UHRF2: variants seen among roughly 807,000 people sequenced by gnomAD.
UHRF2 encodes E3 ubiquitin-protein ligase UHRF2.
In UHRF2, 23 loss-of-function variants were observed where a neutral mutation model predicts 96.8. The observed-to-expected ratio is 0.24, with a 90% confidence interval of 0.17 to 0.34. The LOEUF (loss-of-function observed/expected upper bound fraction) is 0.34, where lower values mean the gene tolerates loss of function less well. UHRF2 is among the 10% of genes least tolerant of loss of function. The pLI, the probability that UHRF2 is intolerant of heterozygous loss-of-function variation, is 1.00. For synonymous variants in UHRF2, 385 were observed against 332.6 expected (o/e 1.16, Z -1.72); for missense variants, 685 against 981.5 (o/e 0.70, Z 4.04).
chr9:6,487,880 T>C (rs1824404812), intron 9 of UHRF2, among the ~76,000 whole-genome samples: 1 of 152,210 alleles, frequency 6.6e-6, no homozygotes, highest in Admixed American at 6.5e-5. Flanking sequence ...GTTAAATCTA[T>C]AGAGTTTATT....
chr9:6,416,740 C>A (rs1563736714), intron 1 of UHRF2, among the ~76,000 whole-genome samples: 3 of 151,584 alleles, frequency 2.0e-5, no homozygotes, highest in African/African-American at 7.3e-5. Context: ...GGGGTTTCAC[C>A]GTGGTCTCGA....
intron 6 of UHRF2, among the ~76,000 whole-genome samples, chr9:6,478,025 A>G (rs1207731042): frequency 6.6e-6 from 1 of 152,150 alleles, no homozygotes; most frequent in East Asian, 1.9e-4. Context: ...TTCTTCTCTG[A>G]TAATAGACTC....
chr9:6,413,484 C>T lies in UHRF2; in HGVS notation c.-7C>T, dbSNP rs746046053. On this transcript the variant is annotated 5_prime_UTR_variant, in exon 1 of 16. Coordinates refer to ENST00000276893, the MANE Select transcript of UHRF2 (RefSeq NM_152896.3). Reference sequence around the variant, plus strand: ...CAAAGGGGACCGGTTCCTCTCTAGGCGCCAAGATGTGGATACAGGTTCGCA... The same window carrying T: ...CAAAGGGGACCGGTTCCTCTCTAGGTGCCAAGATGTGGATACAGGTTCGCA... 25 of 1,539,662 alleles carry T rather than the reference C, an allele frequency of 1.6e-5. No individual in the cohort carries two copies. The highest frequency in any genetic ancestry group is 2.0e-5 in the Non-Finnish European group (23 of 1,140,608).
intron 4 of UHRF2, among the ~76,000 whole-genome samples, chr9:6,470,054 A>G (rs1313228502): frequency 6.6e-6 from 1 of 152,166 alleles, no homozygotes; most frequent in Non-Finnish European, 1.5e-5. Flanking sequence ...AGACAGTGGA[A>G]TGGCATGTGA....
rs769255051 is a variant in UHRF2, at chr9:6,486,850, T to C, written c.1422T>C (p.His474=). 2 of 1,614,008 alleles carry C rather than the reference T, an allele frequency of 1.2e-6. No homozygotes were observed. The highest frequency in any genetic ancestry group is 1.3e-5 in the African/African-American group (1 of 74,942). Residue 474 remains histidine (H), a synonymous_variant, in exon 9 of 16, where the codon CAT becomes CAC. Coordinates refer to ENST00000276893, the MANE Select transcript of UHRF2 (RefSeq NM_152896.3). ...QVSEAGVHRP[H]VGGIHGRSND... ...GCGAAGCAGGTGTTCACAGACCCCA[T>C]GTTGGTGGAATTCATGGTCGAAGTA...
intron 3 of UHRF2, among the ~76,000 whole-genome samples, chr9:6,445,851 A>G (rs1387591696): frequency 1.3e-5 from 2 of 152,174 alleles, no homozygotes; most frequent in African/African-American, 2.4e-5. Flanking sequence ...GGCATTAGCC[A>G]CTGGTCCTAG....
In UHRF2 at chr9:6,417,523, A is replaced by T. The variant is rs1156929874; in HGVS notation, c.154-3389A>T. ...ATGTGGAAGAACTTCGGTACTTTTC[A>T]AGTAAATCATCTCAACACTTCACAG... On this transcript the variant is annotated intron_variant, in intron 1 of 15. Transcript: ENST00000276893. 2.6e-5 allele frequency among the ~76,000 whole-genome samples: 4 copies of T among 152,224 alleles called. No individual in the cohort carries two copies. In the East Asian group the frequency reaches 7.7e-4, roughly 29 times the overall value.
chr9:6,475,493 G>C lies in UHRF2; in HGVS notation c.966G>C (p.Lys322Asn). 6.3e-7 allele frequency: 1 copy of C among 1,581,896 alleles called. No individual in the cohort carries two copies. Among genetic ancestry groups the C allele is most frequent in the Non-Finnish European group, 8.6e-7 (1 of 1,163,828 alleles). Reference protein sequence around the residue: ...GAHPLSFADGKFLRRNDPECD... With the variant: ...GAHPLSFADGNFLRRNDPECD... ...ATCCCCTTTCATTTGCAGATGGAAA[G>C]TTTTTAAGTATGGATTTTTGTTTTT... The change falls in exon 5 of 16, where the codon AAG (lysine) becomes AAC (asparagine). Residue 322 changes from lysine to asparagine, a missense_variant. By Grantham distance (94) the Lys-to-Asn change is moderately conservative (BLOSUM62 0). Transcript: ENST00000276893.
chr9:6,415,192 AT>A (rs1398567317), intron 1 of UHRF2: 2 of 152,226 alleles, frequency 1.3e-5, no homozygotes. Flanking sequence ...TAATTATCAC[AT>A]ATGGGATTGG....
At chr9:6,428,002 C>T (rs746912528) in intron 2 of UHRF2, among the ~76,000 whole-genome samples, 22 of 152,110 alleles carry the variant, frequency 1.4e-4, no homozygotes, top group Admixed American at 3.3e-4. Flanking sequence ...TTTATGATGC[C>T]AGAAAGATCG....
At chr9:6,431,274 A>G in intron 2 of UHRF2, among the ~76,000 whole-genome samples, 1 of 152,198 alleles carries the variant, frequency 6.6e-6, no homozygotes, top group East Asian at 1.9e-4. Flanking sequence ...GCTTACTCAC[A>G]GCAATACTTA....
intron 1 of UHRF2, among the ~76,000 whole-genome samples, chr9:6,414,646 C>T (rs1819486615): frequency 6.6e-6 from 1 of 152,184 alleles, no homozygotes; most frequent in Non-Finnish European, 1.5e-5. Flanking sequence ...CAGTTTGGCT[C>T]CAATCCTGTG....
chr9:6,433,198 T>G lies in UHRF2; in HGVS notation c.385-716T>G, dbSNP rs886811044. ...TTTAAACCTTTCATTTCATAACTCT[T>G]AATTCTCTGATACACCTGTTTTTTA... On this transcript the variant is annotated intron_variant, in intron 2 of 15. Transcript: ENST00000276893. Among the ~76,000 whole-genome samples the G allele has an allele frequency of 2.0e-5, 3 of 152,214 alleles. No individual in the cohort carries two copies. In the East Asian group the frequency reaches 5.8e-4, roughly 29 times the overall value.
intron 2 of UHRF2, among the ~76,000 whole-genome samples, chr9:6,427,590 C>T (rs148049391): frequency 1.3e-5 from 2 of 152,162 alleles, no homozygotes; most frequent in Non-Finnish European, 2.9e-5. Flanking sequence ...GAGGCTGAGA[C>T]GGGAGAATCA....
At chr9:6,505,786 T>C (rs1333416857) in intron 15 of UHRF2, among the ~76,000 whole-genome samples, 1 of 152,218 alleles carries the variant, frequency 6.6e-6, no homozygotes, top group Non-Finnish European at 1.5e-5. Context: ...TCCACCATTT[T>C]AGTAGATGAG....
intron 2 of UHRF2, among the ~76,000 whole-genome samples, chr9:6,431,756 A>G (rs902861847): frequency 6.6e-5 from 10 of 152,192 alleles, no homozygotes; most frequent in African/African-American, 1.9e-4. Flanking sequence ...GTAGCCAGCT[A>G]TTAGATCTGC....
intron 8 of UHRF2, among the ~76,000 whole-genome samples, chr9:6,485,310 A>AT (rs1824200850): frequency 6.6e-6 from 1 of 151,774 alleles, no homozygotes; most frequent in Non-Finnish European, 1.5e-5. Flanking sequence ...TAATTGCCTT[A>AT]TTTTTTTGCA....
intron 3 of UHRF2, among the ~76,000 whole-genome samples, chr9:6,439,062 C>G: frequency 6.6e-6 from 1 of 151,860 alleles, no homozygotes; most frequent in African/African-American, 2.4e-5. Flanking sequence ...ATTACAGATA[C>G]AAACACTAAG....
At chr9:6,431,530 G>A (rs191151070) in intron 2 of UHRF2, among the ~76,000 whole-genome samples, 3 of 152,056 alleles carry the variant, frequency 2.0e-5, no homozygotes, top group Admixed American at 1.3e-4. Context: ...AGGCTGCGGA[G>A]AGCTGTGATC....
Sources: gnomAD v4.1 joint callset for allele counts (sites outside exome capture counted in the v4.1 genomes callset) on GRCh38, gnomAD v4.1.1 for gene constraint, MANE v1.5 for transcripts, NCBI Gene and HGNC (gene_info 2026-07-23, HGNC 2026-07-21) for gene names.